The following OXNAD1 variants were observed in gnomAD, a reference collection of about 807,000 sequenced individuals.
OXNAD1 encodes oxidoreductase NAD binding domain containing 1.
A neutral mutation model predicts 32.9 loss-of-function variants in OXNAD1; 34 were observed. The observed-to-expected ratio is 1.03, with a 90% confidence interval of 0.79 to 1.38. OXNAD1 has a LOEUF of 1.38. OXNAD1 is among the 40% of genes most tolerant of loss of function. OXNAD1 has a pLI of 0.00. For missense variants in OXNAD1, 407 were observed against 379.4 expected (o/e 1.07, Z -0.60); for synonymous variants, 134 against 135.2 (o/e 0.99, Z 0.06).
rs1456519430 is a variant in OXNAD1, at chr3:16,314,712, T to C, written c.*30+11120T>C. ...AATTCAAATTATTGTCACCTTTTTT[T>C]CCCCATAGCAAATACAGCCAACATA... is the stretch of plus-strand genomic sequence containing the variant. On this transcript the variant is annotated intron_variant, in intron 9 of 9. Coordinates refer to the OXNAD1 transcript ENST00000435829. This position sits in a 1 kb window ranked among gnomAD's most constrained non-coding sequence, Gnocchi z 4.4. The C allele has an allele frequency of 1.3e-5, 2 of 152,142 alleles. No individual in the cohort carries two copies. Among genetic ancestry groups the C allele is most frequent in the Non-Finnish European group, 2.9e-5 (2 of 68,020 alleles). The allele number at this position is 152,142 out of a possible 1,614,324, so 9.4% of individuals were successfully genotyped here.
intron 9 of OXNAD1, among the ~76,000 whole-genome samples, chr3:16,313,843 A>G (rs561792651): frequency 1.3e-3 from 202 of 152,218 alleles, no homozygotes; most frequent in African/African-American, 4.7e-3. Context: ...TCCATGTGTC[A>G]GTATTTTGAC....
chr3:16,317,202 G>A lies in OXNAD1; in HGVS notation c.*30+13610G>A. The A allele has an allele frequency of 1.2e-6, 2 of 1,613,064 alleles. No individual in the cohort carries two copies. On this transcript the variant is annotated intron_variant, in intron 9 of 9. Coordinates refer to the OXNAD1 transcript ENST00000435829. The surrounding 1 kb of genome is among the most constrained non-coding windows in gnomAD (Gnocchi z 4.3). ...TTTGATTTCCTCATCTGCCTGTTGT[G>A]CATTTCTTCTCTGGAGAATCGCCAC...
At position 16,287,250 on chromosome 3, in the gene OXNAD1, T is replaced by C. The variant is rs376236782; in HGVS notation, c.290+802T>C. The stretch of plus-strand genomic sequence containing the variant: ...ATTTCTGGCATGTCAGTCTTGATAG[T>C]GTTTCTTAGGAGTCACTTGACTAAT... On this transcript the variant is annotated intron_variant, in intron 5 of 8. Transcript: ENST00000285083. The surrounding 1 kb of genome is among the most constrained non-coding windows in gnomAD (Gnocchi z 4.8). Among the ~76,000 whole-genome samples the C allele has an allele frequency of 6.6e-6, 1 of 152,324 alleles. No individual in the cohort carries two copies. The highest frequency in any genetic ancestry group is 2.1e-4 in the South Asian group (1 of 4,822).
At chr3:16,309,781 A>G (rs1334337405), downstream of OXNAD1, among the ~76,000 whole-genome samples, 4 of 152,176 alleles carry the variant, frequency 2.6e-5, no homozygotes, top group Non-Finnish European at 5.9e-5. Flanking sequence ...TCTCTCTGAA[A>G]CCTGCTTTCC....
rs2067336835 is a variant in OXNAD1 at position 16,303,558 on chromosome 3, G to A, written c.935G>A (p.Trp312Ter). 1.9e-6 allele frequency: 3 copies of A among 1,613,660 alleles called. No individual in the cohort carries two copies. Among genetic ancestry groups the A allele is most frequent in the Middle Eastern group, 1.7e-4 (1 of 6,058 alleles). Residue 312 changes from tryptophan to a stop codon, truncating the protein, a stop_gained, in exon 9 of 9, where the codon TGG (tryptophan) becomes TAG (stop). Transcript: ENST00000285083. LOFTEE classifies it high-confidence loss of function. The surrounding 1 kb of genome is among the most constrained non-coding windows in gnomAD (Gnocchi z 4.8). ...GAACACATTTGCTTTGAGAAGTGGT[G>A]GTAGGAGGCAGACAAAGGCAGAAAA... is the stretch of plus-strand genomic sequence containing the variant. ...PKEHICFEKWW is the reference protein window; with the variant it reads ...PKEHICFEKW
chr3:16,283,901 G>C (rs2065911519), intron 4 of OXNAD1, among the ~76,000 whole-genome samples: 1 of 152,136 alleles, frequency 6.6e-6, no homozygotes. Context: ...TGAGAACTGA[G>C]ACTGGACATT....
At chr3:16,332,414 CTTCTT>C (rs1185829007) in intron 9 of OXNAD1, among the ~76,000 whole-genome samples, 2 of 84,276 alleles carry the variant, frequency 2.4e-5, no homozygotes, top group Non-Finnish European at 5.2e-5. Flanking sequence ...CTTTTGATTG[CTTCTT>C]TTTTTTTTTT....
intron 4 of OXNAD1, among the ~76,000 whole-genome samples, chr3:16,273,326 G>C (rs1331885541): frequency 6.6e-6 from 1 of 150,728 alleles, no homozygotes; most frequent in African/African-American, 2.4e-5. Context: ...TATGCCGTAA[G>C]ATACATAATA....
Position 16,271,863 on chromosome 3 carries a change from T to C in OXNAD1, c.183+141T>C, listed in dbSNP as rs1384464284. 4.0e-6 allele frequency: 3 copies of C among 741,438 alleles called. No homozygotes were observed. Among genetic ancestry groups the C allele is most frequent in the East Asian group, 5.6e-5 (2 of 35,570 alleles). 45.9% of individuals were successfully genotyped at this position (741,438 alleles called of 1,614,324 possible). On this transcript the variant is annotated intron_variant, in intron 4 of 8. Coordinates refer to ENST00000285083, the MANE Select transcript of OXNAD1 (RefSeq NM_138381.5). This position sits in a 1 kb window ranked among gnomAD's most constrained non-coding sequence, Gnocchi z 4.6. ...GTTTGTTATTTTTCTATTTAGAAAT[T>C]TTCTGAGCAGGACATTTGATATCTG...
At position 16,342,659 on chromosome 3, in the gene OXNAD1, C is replaced by T. The variant is rs2071392925; in HGVS notation, c.*31-6517C>T. 6.6e-6 allele frequency among the ~76,000 whole-genome samples: 1 copy of T among 152,204 alleles called. No individual in the cohort carries two copies. Among genetic ancestry groups the T allele is most frequent in the Non-Finnish European group, 1.5e-5 (1 of 68,040 alleles). On this transcript the variant is annotated intron_variant, in intron 9 of 9. Transcript: ENST00000606098. The surrounding 1 kb of genome is among the most constrained non-coding windows in gnomAD (Gnocchi z 4.0). ...AAGAATGAAAGCAGAGGCCTCTTGG[C>T]CTCACTAGACTAGTTCTCAAGCCTT...
rs753138141 is a variant in OXNAD1 at position 16,294,914 on chromosome 3, C to T, written c.349C>T (p.Pro117Ser). ...VVGGFSICSS[P>S]RLLEQERVIE... The stretch of plus-strand genomic sequence containing the variant: ...TGGTGGGTTTTCAATATGCTCCAGT[C>T]CCAGACTGCTAGAACAAGAGAGAGT... The change falls in exon 6 of 9, where the codon CCC becomes TCC. Residue 117 changes from proline (P) to serine (S), a missense_variant. Physicochemically the swap from Pro to Ser is moderately conservative, Grantham distance 74 (BLOSUM62 -1). Transcript: ENST00000285083. 1 of 1,613,476 alleles carries T rather than the reference C, an allele frequency of 6.2e-7. No individual in the cohort carries two copies. The highest frequency in any genetic ancestry group is 8.5e-7 in the Non-Finnish European group (1 of 1,179,652).
At chr3:16,311,011 A>AG (rs1553711094), downstream of OXNAD1, among the ~76,000 whole-genome samples, 1,375 of 136,168 alleles carry the variant, frequency 0.01, 63 homozygotes, top group African/African-American at 0.041. Context: ...AAAAAAAAAA[A>AG]AAATCATCTG....
rs929547138 is a variant in OXNAD1 at position 16,290,069 on chromosome 3, T to G, written c.290+3621T>G. ...ACTAAAGAGTTCTGGGATCTCATAGTATAGCTGCTGTGTGCTTGGCACTGG... is the reference window on the plus strand; with the variant it reads ...ACTAAAGAGTTCTGGGATCTCATAGGATAGCTGCTGTGTGCTTGGCACTGG... On this transcript the variant is annotated intron_variant, in intron 5 of 8. Transcript: ENST00000285083. The surrounding 1 kb of genome is among the most constrained non-coding windows in gnomAD (Gnocchi z 4.2). Among the ~76,000 whole-genome samples the G allele has an allele frequency of 6.6e-6, 1 of 152,176 alleles. No individual in the cohort carries two copies. The highest frequency in any genetic ancestry group is 1.5e-5 in the Non-Finnish European group (1 of 68,032).
chr3:16,307,118 T>G (rs1559778795), downstream of OXNAD1, among the ~76,000 whole-genome samples: 1 of 152,248 alleles, frequency 6.6e-6, no homozygotes, highest in Non-Finnish European at 1.5e-5. Flanking sequence ...ATGCTTGATT[T>G]CTTTCATTTA....
chr3:16,279,244 G>A (rs1349177088), intron 4 of OXNAD1, among the ~76,000 whole-genome samples: 1 of 152,098 alleles, frequency 6.6e-6, no homozygotes, highest in Non-Finnish European at 1.5e-5. Context: ...CTGGGGGGCT[G>A]GACTGCAGCT....
rs964466708 is a variant in OXNAD1, at chr3:16,344,994, G to A, written c.*31-4182G>A. ...TTTAAGCTCTTTTAGGGGGCCACAT[G>A]GAAAGCATAAGAAATGGGGGCAGCC... On this transcript the variant is annotated intron_variant, in intron 9 of 9. Transcript: ENST00000606098. The surrounding 1 kb of genome is among the most constrained non-coding windows in gnomAD (Gnocchi z 4.4). 2 of 152,174 alleles carry A rather than the reference G, an allele frequency of 1.3e-5. No individual in the cohort carries two copies. The highest frequency in any genetic ancestry group is 6.5e-5 in the Admixed American group (1 of 15,278). 9.4% of individuals were successfully genotyped at this position (152,174 alleles called of 1,614,324 possible).
intron 4 of OXNAD1, among the ~76,000 whole-genome samples, chr3:16,278,464 A>G (rs1187991929): frequency 6.6e-6 from 1 of 152,226 alleles, no homozygotes; most frequent in Non-Finnish European, 1.5e-5. Flanking sequence ...TTAAGAATCA[A>G]AGATTTAGGT....
At position 16,316,913 on chromosome 3, in the gene OXNAD1, CA is replaced by C. The variant is rs763088197; in HGVS notation, c.*30+13324del. The C allele has an allele frequency of 6.2e-7, 1 of 1,614,172 alleles. No individual in the cohort carries two copies. Among genetic ancestry groups the C allele is most frequent in the Non-Finnish European group, 8.5e-7 (1 of 1,180,030 alleles). On this transcript the variant is annotated intron_variant, in intron 9 of 9. Coordinates refer to the OXNAD1 transcript ENST00000435829. The surrounding 1 kb of genome is among the most constrained non-coding windows in gnomAD (Gnocchi z 4.5). ...CTCTCCAGGATTGGAGTGCCCAGTGCAAATCCCCACCAGGGCCCTGCTGTGG... is the reference window on the plus strand; with the variant it reads ...CTCTCCAGGATTGGAGTGCCCAGTGCAATCCCCACCAGGGCCCTGCTGTGG...
chr3:16,339,436 T>A (rs2071160275), downstream of OXNAD1: 1 of 152,164 alleles, frequency 6.6e-6, no homozygotes, highest in Non-Finnish European at 1.5e-5. Context: ...ACATCAGACA[T>A]CTGGCTGTTC....
Sources: gnomAD v4.1 joint callset for allele counts (sites outside exome capture counted in the v4.1 genomes callset) on GRCh38, gnomAD v4.1.1 for gene constraint, Gnocchi (gnomAD v3.1) non-coding constraint, MANE v1.5 for transcripts, NCBI Gene and HGNC (gene_info 2026-07-23, HGNC 2026-07-21) for gene names.